The following MCF2L variants were observed in gnomAD, a reference collection of about 807,000 sequenced individuals.
MCF2L encodes MCF.2 cell line derived transforming sequence like, also known as guanine nucleotide exchange factor DBS.
A neutral mutation model predicts 153.4 loss-of-function variants in MCF2L; 97 were observed. That is an observed-to-expected ratio of 0.63 (90% confidence interval 0.54 to 0.75). The LOEUF (loss-of-function observed/expected upper bound fraction) is 0.75, where lower values mean the gene tolerates loss of function less well. Among genes scored for constraint, MCF2L ranks in the 30% least tolerant of loss-of-function variants. The pLI, the probability that MCF2L is intolerant of heterozygous loss-of-function variation, is 0.00. For missense variants in MCF2L, 1,347 were observed against 1,495.2 expected (o/e 0.90, Z 1.64); for synonymous variants, 659 against 632.2 (o/e 1.04, Z -0.64).
At chr13:112,918,592 G>T (rs1173668847) in intron 2 of MCF2L, among the ~76,000 whole-genome samples, 2 of 152,188 alleles carry the variant, frequency 1.3e-5, no homozygotes, top group Admixed American at 1.3e-4. Context: ...CAGGGGCGTG[G>T]GGTGGCTCCA....
At chr13:112,896,457 GC>G (rs59245470) in intron 1 of MCF2L, among the ~76,000 whole-genome samples, 5 of 151,424 alleles carry the variant, frequency 3.3e-5, no homozygotes, top group South Asian at 2.1e-4. Flanking sequence ...CAGAAGAGAG[GC>G]CCCCCCTGTC....
At chr13:112,978,411 T>C (rs2140884658) in intron 1 of MCF2L, among the ~76,000 whole-genome samples, 1 of 152,266 alleles carries the variant, frequency 6.6e-6, no homozygotes, top group South Asian at 2.1e-4. Flanking sequence ...GCTCTGTCTT[T>C]CCTGGCAGAA....
intron 2 of MCF2L, among the ~76,000 whole-genome samples, chr13:112,955,282 G>A (rs991504532): frequency 4.6e-5 from 6 of 130,770 alleles, no homozygotes; most frequent in South Asian, 2.4e-4. Flanking sequence ...CCAGCCCTCC[G>A]TCCTGGGTCC....
intron 3 of MCF2L, chr13:113,043,098 G>A (rs1323467376): frequency 6.6e-6 from 1 of 152,278 alleles, no homozygotes; most frequent in African/African-American, 2.4e-5. Flanking sequence ...TTACAGAAAA[G>A]GAAGCAGAGA....
intron 2 of MCF2L, among the ~76,000 whole-genome samples, chr13:112,938,815 G>A (rs1182348120): frequency 2.0e-5 from 3 of 152,138 alleles, no homozygotes; most frequent in African/African-American, 4.8e-5. Flanking sequence ...GGCAGACGCT[G>A]TGGCCAGGCA....
At chr13:113,058,590 GTGTT>G (rs1328479322) in intron 4 of MCF2L, among the ~76,000 whole-genome samples, 2 of 150,544 alleles carry the variant, frequency 1.3e-5, no homozygotes, top group Non-Finnish European at 1.5e-5. Flanking sequence ...TGGTTGCTGA[GTGTT>G]TGGGTGCTGA....
In MCF2L at chr13:113,045,115, G is replaced by A. The variant is rs2086726961; in HGVS notation, c.279-156G>A. 6 of 921,194 alleles carry A rather than the reference G, an allele frequency of 6.5e-6. No homozygotes were observed. Among genetic ancestry groups the A allele is most frequent in the Non-Finnish European group, 8.5e-6 (5 of 591,106 alleles). The allele number at this position is 921,194 out of a possible 1,614,324, so 57.1% of individuals were successfully genotyped here. On this transcript the variant is annotated intron_variant, in intron 3 of 29. Coordinates refer to ENST00000535094, the MANE Select transcript of MCF2L (RefSeq NM_001112732.3). This position sits in a 1 kb window ranked among gnomAD's most constrained non-coding sequence, Gnocchi z 4.2. ...GTTCTGGGACTGCGGGGATGGGGCTGCCGGGGCCCCCGTGTGCCATGCCTC... is the reference window on the plus strand; with the variant it reads ...GTTCTGGGACTGCGGGGATGGGGCTACCGGGGCCCCCGTGTGCCATGCCTC...
At position 112,904,202 on chromosome 13, in the gene MCF2L, G is replaced by T. The variant is rs1054246989; in HGVS notation, c.169+1831G>T. Among the ~76,000 whole-genome samples the T allele has an allele frequency of 1.3e-5, 2 of 152,144 alleles. No homozygotes were observed. Among genetic ancestry groups the T allele is most frequent in the African/African-American group, 4.8e-5 (2 of 41,432 alleles). The stretch of plus-strand genomic sequence containing the variant: ...GGGTAGGGGTAGGTGTTAGGGGTAG[G>T]GGTAGCGTTTGGGGTAAGGCAGATT... On this transcript the variant is annotated intron_variant, in intron 2 of 29. Transcript: ENST00000375608. This position sits in a 1 kb window ranked among gnomAD's most constrained non-coding sequence, Gnocchi z 4.2.
intron 3 of MCF2L, among the ~76,000 whole-genome samples, chr13:113,037,889 C>T (rs2086246171): frequency 6.6e-6 from 1 of 152,206 alleles, no homozygotes; most frequent in Non-Finnish European, 1.5e-5. Flanking sequence ...AGGTATCATT[C>T]ATTATTTGTA....
At chr13:113,026,455 C>G (rs981607089) in intron 3 of MCF2L, among the ~76,000 whole-genome samples, 1 of 152,226 alleles carries the variant, frequency 6.6e-6, no homozygotes, top group East Asian at 1.9e-4. Context: ...CCTGAGCTGC[C>G]GTTTTTTCCT....
Position 112,911,367 on chromosome 13 carries a change from G to A in MCF2L, c.169+8996G>A, listed in dbSNP as rs578226988. The stretch of plus-strand genomic sequence containing the variant: ...TCTGTCTGCAGCTCCGCCCGGCACC[G>A]TCCATGCAGGGTGTAGACCCAGACA... On this transcript the variant is annotated intron_variant, in intron 2 of 29. Coordinates refer to the MCF2L transcript ENST00000375608. Among the ~76,000 whole-genome samples, 67 of 152,196 alleles carry A rather than the reference G, an allele frequency of 4.4e-4. No homozygotes were observed. The South Asian group carries it at 0.012, about 28-fold the overall frequency.
chr13:112,927,574 C>T (rs1023509062), intron 2 of MCF2L, among the ~76,000 whole-genome samples: 10 of 152,292 alleles, frequency 6.6e-5, no homozygotes, highest in Admixed American at 4.6e-4. Flanking sequence ...AAAACATCAA[C>T]ACAATACAGT....
rs2081384887 is a variant in MCF2L, at chr13:112,924,591, G to C, written c.169+22220G>C. ...TATAAAATACTCCTGAGACACAGAA[G>C]ACTTGAACACATGGAAAAGGTATAT... On this transcript the variant is annotated intron_variant, in intron 2 of 29. Coordinates refer to the MCF2L transcript ENST00000375608. Among the ~76,000 whole-genome samples the C allele has an allele frequency of 3.3e-5, 5 of 152,208 alleles. No individual in the cohort carries two copies. The South Asian group carries it at 1.0e-3, about 32-fold the overall frequency.
intron 1 of MCF2L, among the ~76,000 whole-genome samples, chr13:112,984,259 G>A (rs1392816680): frequency 1.3e-5 from 2 of 149,430 alleles, no homozygotes; most frequent in Non-Finnish European, 3.0e-5. Flanking sequence ...TTTTTGAGAT[G>A]GAGTCTCGCT....
rs533660904 is a variant in MCF2L, at chr13:113,072,571, C to T, written c.997-1873C>T. Among the ~76,000 whole-genome samples, 26 of 152,300 alleles carry T rather than the reference C, an allele frequency of 1.7e-4. No individual in the cohort carries two copies. In the South Asian group the frequency reaches 3.1e-3, roughly 18 times the overall value. On this transcript the variant is annotated intron_variant, in intron 9 of 29. Transcript: ENST00000535094. Reference sequence around the variant, plus strand: ...ATGAATTCAGTGTCCTTAATAGTTACGCAACTATTGAAACTATCTGTTTCA... The same window carrying T: ...ATGAATTCAGTGTCCTTAATAGTTATGCAACTATTGAAACTATCTGTTTCA...
At chr13:113,096,742 C>T in intron 29 of MCF2L, 32 bp from the exon 30 acceptor site, 5 of 1,556,178 alleles carry the variant, frequency 3.2e-6, no homozygotes, top group Non-Finnish European at 4.3e-6. Context: ...AGAGCCGACG[C>T]CGAAGCCCGT....
At chr13:113,086,010 A>C in intron 20 of MCF2L, 114 bp from the exon 21 acceptor site, 1 of 1,157,056 alleles carries the variant, frequency 8.6e-7, no homozygotes, top group Non-Finnish European at 1.2e-6. Flanking sequence ...CTCCCCACAG[A>C]CCAGGGGAGG....
chr13:113,011,287 G>A (rs544500635), intron 1 of MCF2L, among the ~76,000 whole-genome samples: 1 of 152,340 alleles, frequency 6.6e-6, no homozygotes, highest in South Asian at 2.1e-4. Context: ...ACACACAGGG[G>A]GATCCCTGCT....
chr13:113,077,322 C>T, intron 13 of MCF2L, 111 bp downstream of exon 13: 4 of 1,240,110 alleles, frequency 3.2e-6, no homozygotes, highest in Non-Finnish European at 4.3e-6. Flanking sequence ...TCTCCACACG[C>T]CTCCTCCCCT....
Sources: allele counts gnomAD v4.1 joint callset (sites outside exome capture counted in the v4.1 genomes callset), GRCh38; gene constraint gnomAD v4.1.1; non-coding constraint Gnocchi (gnomAD v3.1); transcripts MANE v1.5; gene names NCBI Gene and HGNC (gene_info 2026-07-23, HGNC 2026-07-21).